The following TESC variants were observed in gnomAD, a reference collection of about 807,000 sequenced individuals.
The protein encoded by TESC is tescalcin.
Under a neutral mutation model 31.0 loss-of-function variants are expected in TESC, and 19 were observed. That is an observed-to-expected ratio of 0.61 (90% confidence interval 0.43 to 0.90). The LOEUF (loss-of-function observed/expected upper bound fraction) is 0.90. Among genes scored for constraint, TESC ranks in the 40% least tolerant of loss-of-function variants. TESC has a pLI of 0.00. For missense variants in TESC, 248 were observed against 303.8 expected (o/e 0.82, Z 1.36); for synonymous variants, 109 against 114.8 (o/e 0.95, Z 0.32).
chr12:117,093,784 T>C (rs1282931550), intron 1 of TESC, among the ~76,000 whole-genome samples: 1 of 151,456 alleles, frequency 6.6e-6, no homozygotes, highest in Non-Finnish European at 1.5e-5. Flanking sequence ...TCTGGAGATT[T>C]TTTTTTTTTT....
intron 2 of TESC, among the ~76,000 whole-genome samples, chr12:117,064,706 A>C (rs1954849748): frequency 6.6e-6 from 1 of 152,346 alleles, no homozygotes; most frequent in South Asian, 2.1e-4. Flanking sequence ...GGACCACAGG[A>C]GACCGGTACA....
intron 2 of TESC, among the ~76,000 whole-genome samples, chr12:117,065,789 G>C (rs1954870154): frequency 6.6e-6 from 1 of 152,140 alleles, no homozygotes; most frequent in Non-Finnish European, 1.5e-5. Context: ...GGCTGAGGCA[G>C]GAGGATCGCT....
chr12:117,048,304 C>T (rs1954597821), intron 4 of TESC, among the ~76,000 whole-genome samples: 1 of 152,210 alleles, frequency 6.6e-6, no homozygotes, highest in Non-Finnish European at 1.5e-5. Context: ...GATCCACCCC[C>T]GCCACCCGGG....
intron 2 of TESC, among the ~76,000 whole-genome samples, chr12:117,060,554 C>A (rs1478744961): frequency 6.6e-6 from 1 of 152,148 alleles, no homozygotes; most frequent in Admixed American, 6.5e-5. Flanking sequence ...TACGAAATCA[C>A]GATCGGATGA....
At chr12:117,068,968 A>G (rs1565968229) in intron 2 of TESC, among the ~76,000 whole-genome samples, 1 of 152,242 alleles carries the variant, frequency 6.6e-6, no homozygotes, top group African/African-American at 2.4e-5. Context: ...TCATTATTTA[A>G]AATTCTGACC....
At chr12:117,055,231 T>A (rs1334175819) in intron 3 of TESC, among the ~76,000 whole-genome samples, 1 of 152,116 alleles carries the variant, frequency 6.6e-6, no homozygotes, top group Non-Finnish European at 1.5e-5. Context: ...AACCTCCACC[T>A]CCCGAGTTCA....
chr12:117,097,963 A>C (rs1955417724), intron 1 of TESC, among the ~76,000 whole-genome samples: 1 of 152,152 alleles, frequency 6.6e-6, no homozygotes, highest in African/African-American at 2.4e-5. Flanking sequence ...CTTTAGTTGG[A>C]TATTTCTATA....
chr12:117,071,164 C>T (rs7134364), intron 2 of TESC, among the ~76,000 whole-genome samples: 19,748 of 152,208 alleles, frequency 0.13, 1,483 homozygotes, highest in Middle Eastern at 0.2. Context: ...ACGCTTCCTG[C>T]GCTGGAAAGA....
intron 1 of TESC, among the ~76,000 whole-genome samples, chr12:117,098,810 G>C (rs760454522): frequency 1.6e-4 from 25 of 152,256 alleles, no homozygotes; most frequent in South Asian, 1.2e-3. Flanking sequence ...TCCCACCCAG[G>C]TCCGCCGACT....
At chr12:117,070,477 C>T (rs1954952934) in intron 2 of TESC, among the ~76,000 whole-genome samples, 1 of 152,286 alleles carries the variant, frequency 6.6e-6, no homozygotes, top group East Asian at 1.9e-4. Flanking sequence ...GAAGCCGACT[C>T]TGAAGCTCTG....
chr12:117,057,444 CCAAA>C (rs1954741297), intron 2 of TESC, among the ~76,000 whole-genome samples: 1 of 152,120 alleles, frequency 6.6e-6, no homozygotes, highest in South Asian at 2.1e-4. Context: ...ACATTCATCC[CCAAA>C]CAAATGCAGA....
chr12:117,068,052 C>T (rs1036394064), intron 2 of TESC, among the ~76,000 whole-genome samples: 1 of 152,104 alleles, frequency 6.6e-6, no homozygotes, highest in Non-Finnish European at 1.5e-5. Flanking sequence ...CCACCATGCC[C>T]GGCTCATTTT....
chr12:117,093,204 G>C (rs1955339371), intron 1 of TESC, among the ~76,000 whole-genome samples: 1 of 152,220 alleles, frequency 6.6e-6, no homozygotes, highest in South Asian at 2.1e-4. Context: ...GACCGCATCT[G>C]GTCCACCCTG....
At chr12:117,091,446 G>A (rs1020974814) in intron 1 of TESC, among the ~76,000 whole-genome samples, 2 of 152,218 alleles carry the variant, frequency 1.3e-5, no homozygotes, top group Admixed American at 6.5e-5. Context: ...AAATTTCCAC[G>A]ATACATTCTG....
chr12:117,080,466 T>C (rs1275601279), intron 1 of TESC, among the ~76,000 whole-genome samples: 1 of 152,072 alleles, frequency 6.6e-6, no homozygotes, highest in Non-Finnish European at 1.5e-5. Flanking sequence ...AAAAAGAACA[T>C]GCACACACGT....
intron 1 of TESC, among the ~76,000 whole-genome samples, chr12:117,082,738 A>G (rs1054689751): frequency 6.6e-6 from 1 of 152,172 alleles, no homozygotes; most frequent in African/African-American, 2.4e-5. Context: ...AAAAATAGAA[A>G]AGGGTATACA....
intron 1 of TESC, among the ~76,000 whole-genome samples, chr12:117,082,629 C>G (rs1016769379): frequency 6.6e-6 from 1 of 151,932 alleles, no homozygotes; most frequent in Non-Finnish European, 1.5e-5. Flanking sequence ...TGTGGGACAT[C>G]GGAAAATGTC....
At chr12:117,079,313 G>A (rs1955114082) in intron 1 of TESC, among the ~76,000 whole-genome samples, 2 of 152,224 alleles carry the variant, frequency 1.3e-5, no homozygotes, top group East Asian at 3.9e-4. Flanking sequence ...TGTAATACCA[G>A]CACTTTGGGG....
chr12:117,075,225 C>T (rs1192324298), intron 2 of TESC, 46 bp downstream of exon 2: 2 of 1,580,922 alleles, frequency 1.3e-6, no homozygotes, highest in South Asian at 1.1e-5. Context: ...AAGAAATTTG[C>T]AAGGGCATGG....
Sources: allele counts gnomAD v4.1 joint callset (sites outside exome capture counted in the v4.1 genomes callset), GRCh38; gene constraint gnomAD v4.1.1; transcripts MANE v1.5; gene names NCBI Gene and HGNC (gene_info 2026-07-23, HGNC 2026-07-21).